Variants in HEPHL1 observed in about 807,000 individuals in gnomAD.
The protein encoded by HEPHL1 is hephaestin like 1, also known as ferroxidase HEPHL1.
A neutral mutation model predicts 122.0 loss-of-function variants in HEPHL1; 123 were observed. The ratio of observed to expected loss-of-function variants is 1.01; its 90% CI spans 0.87 to 1.17. The LOEUF is 1.17. Ranked by LOEUF, HEPHL1 falls within the 50% of genes most tolerant of loss-of-function variation. HEPHL1 has a pLI of 0.00. For missense variants in HEPHL1, 1,452 were observed against 1,430.5 expected, an observed-to-expected ratio of 1.01 and a Z score of -0.24; for synonymous variants, 527 against 508.9, an observed-to-expected ratio of 1.04 and a Z score of -0.48.
rs1046582518 is a variant in HEPHL1 at position 94,113,485 on chromosome 11, A to G, written c.*1591A>G. On this transcript the variant is annotated 3_prime_UTR_variant, in exon 20 of 20. Coordinates refer to ENST00000315765, the MANE Select transcript of HEPHL1 (RefSeq NM_001098672.2). ...TCTGTTCATAGTTTGCTTGAATGTCATATCAAACAGCATACACAAAAGATT... is the reference window on the plus strand; with the variant it reads ...TCTGTTCATAGTTTGCTTGAATGTCGTATCAAACAGCATACACAAAAGATT... 1 of 152,240 alleles carries G rather than the reference A, an allele frequency of 6.6e-6. No homozygotes were observed. The highest frequency in any genetic ancestry group is 2.4e-5 in the African/African-American group (1 of 41,466). The allele number at this position is 152,240 out of a possible 1,614,324, so 9.4% of individuals were successfully genotyped here. A position where few individuals can be genotyped will look rare whatever the true frequency, so the allele number is the denominator to read the frequency against.
At position 94,075,375 on chromosome 11, in the gene HEPHL1, A is replaced by C. The variant is rs771337615; in HGVS notation, c.1706A>C (p.Asp569Ala). 8 of 1,612,000 alleles carry C rather than the reference A, an allele frequency of 5.0e-6. No homozygotes were observed. The highest frequency in any genetic ancestry group is 6.8e-6 in the Non-Finnish European group (8 of 1,179,192). Reference protein sequence around the residue: ...LVCKKGVLNADGTQKGIDKEF... With the variant: ...LVCKKGVLNAAGTQKGIDKEF... ...TGTAAAAAGGGCGTCCTCAATGCTG[A>C]TGGGACACAGGTAGGCCATTGAGTG... Residue 569 changes from aspartate to alanine, a missense_variant, in exon 9 of 20, where the codon GAT (aspartate) becomes GCT (alanine). By Grantham distance (126) the Asp-to-Ala change is moderately radical. Coordinates refer to ENST00000315765, the MANE Select transcript of HEPHL1 (RefSeq NM_001098672.2).
intron 1 of HEPHL1, among the ~76,000 whole-genome samples, chr11:94,022,760 T>G (rs796193180): frequency 8.5e-5 from 13 of 152,290 alleles, no homozygotes; most frequent in African/African-American, 3.1e-4. Context: ...GTCTTTACTG[T>G]GATGAATAGC....
chr11:94,082,959 C>T (rs924000320), intron 10 of HEPHL1, among the ~76,000 whole-genome samples: 74 of 152,006 alleles, frequency 4.9e-4, no homozygotes, highest in African/African-American at 1.5e-3. Context: ...CATGGTGGTG[C>T]GTGCCTATAT....
At chr11:94,073,206 G>A in intron 7 of HEPHL1, 42 bp downstream of exon 7, 2 of 1,610,608 alleles carry the variant, frequency 1.2e-6, no homozygotes, top group East Asian at 2.2e-5. Flanking sequence ...CCAGGGAGAT[G>A]TTTTAGCTGG....
intron 1 of HEPHL1, among the ~76,000 whole-genome samples, chr11:94,030,114 G>C (rs1276874012): frequency 6.6e-6 from 1 of 152,170 alleles, no homozygotes; most frequent in Non-Finnish European, 1.5e-5. Context: ...GGAATGATAA[G>C]GTCCTATGAA....
rs771060319 is a variant in HEPHL1, at chr11:94,086,127, G to A, written c.2018G>A (p.Arg673Gln). Reference protein sequence around the residue: ...GNTIHLRGTHRDSLALFPHMA... With the variant: ...GNTIHLRGTHQDSLALFPHMA... ...ACCATCCACCTACGAGGGACTCACC[G>A]AGACTCCCTGGCCCTGTTTCCCCAC... The change falls in exon 11 of 20, where the codon CGA (arginine) becomes CAA (glutamine). Residue 673 changes from arginine to glutamine, a missense_variant. Arg to Gln is a conservative substitution (Grantham distance 43). Transcript: ENST00000315765. 1.6e-5 allele frequency: 26 copies of A among 1,613,122 alleles called. 1 individual carries two copies. The South Asian group carries it at 2.2e-4, about 14-fold the overall frequency.
At chr11:94,044,560 T>C (rs545991576) in intron 1 of HEPHL1, among the ~76,000 whole-genome samples, 1 of 152,210 alleles carries the variant, frequency 6.6e-6, no homozygotes, top group African/African-American at 2.4e-5. Context: ...TGCATCCTTA[T>C]CTCTCACTCC....
intron 2 of HEPHL1, among the ~76,000 whole-genome samples, chr11:94,051,630 G>C (rs2134419367): frequency 6.6e-6 from 1 of 152,244 alleles, no homozygotes; most frequent in East Asian, 1.9e-4. Context: ...CTGTGTAGAA[G>C]TGTTTTAACT....
chr11:94,056,291 T>C (rs1382992953), intron 2 of HEPHL1, among the ~76,000 whole-genome samples: 1 of 152,120 alleles, frequency 6.6e-6, no homozygotes, highest in Non-Finnish European at 1.5e-5. Context: ...TTGCTTTTTT[T>C]CCCCCAGTTT....
rs954711470 is a variant in HEPHL1, at chr11:94,114,061, C to T, written c.*2167C>T. Among the ~76,000 whole-genome samples the T allele has an allele frequency of 6.6e-6, 1 of 152,210 alleles. No homozygotes were observed. Among genetic ancestry groups the T allele is most frequent in the Admixed American group, 6.5e-5 (1 of 15,274 alleles). On this transcript the variant is annotated 3_prime_UTR_variant, in exon 20 of 20. Transcript: ENST00000315765. The stretch of plus-strand genomic sequence containing the variant: ...CTAGCAGGACAGTCTCTTCATTTGA[C>T]TTTGGGTCTCATTGCTTCTTGCTTT...
At chr11:94,091,358 C>A (rs891885495) in intron 12 of HEPHL1, among the ~76,000 whole-genome samples, 6 of 152,140 alleles carry the variant, frequency 3.9e-5, no homozygotes, top group Non-Finnish European at 8.8e-5. Flanking sequence ...TTATTATCAG[C>A]CTGGTTTGCA....
At chr11:94,078,767 C>T (rs1373899662) in intron 9 of HEPHL1, among the ~76,000 whole-genome samples, 1 of 152,062 alleles carries the variant, frequency 6.6e-6, no homozygotes, top group Non-Finnish European at 1.5e-5. Context: ...CTATTCAGGC[C>T]TTCAACCAAT....
At chr11:94,086,658 A>G (rs1672615145) in intron 11 of HEPHL1, among the ~76,000 whole-genome samples, 1 of 151,916 alleles carries the variant, frequency 6.6e-6, no homozygotes, top group South Asian at 2.1e-4. Flanking sequence ...TGATTGGGGG[A>G]ATTCTCTGTT....
chr11:94,042,883 A>AAAAAACAAAAAAC (rs11271749), intron 1 of HEPHL1, among the ~76,000 whole-genome samples: 3 of 132,398 alleles, frequency 2.3e-5, no homozygotes, highest in South Asian at 4.9e-4. Context: ...AATAAAAAAA[A>AAAAAACAAAAAAC]AAAAAAAAAA....
rs1219782949 is a variant in HEPHL1, at chr11:94,073,181, C to G, written c.1372+17C>G. The G allele has an allele frequency of 2.5e-6, 4 of 1,612,520 alleles. No individual in the cohort carries two copies. The highest frequency in any genetic ancestry group is 3.4e-6 in the Non-Finnish European group (4 of 1,179,202). On this transcript the variant is annotated intron_variant, in intron 7 of 19. Transcript: ENST00000315765. ...GAATTCTTGGTACAGTAAAACCATC[C>G]CCCATGCATTGAACCCAGGGAGATG... is the stretch of plus-strand genomic sequence containing the variant.
At chr11:94,092,284 T>C (rs1946268132) in intron 12 of HEPHL1, among the ~76,000 whole-genome samples, 1 of 152,238 alleles carries the variant, frequency 6.6e-6, no homozygotes, top group African/African-American at 2.4e-5. Flanking sequence ...ACATGTAAGG[T>C]ACGTATACAG....
intron 10 of HEPHL1, among the ~76,000 whole-genome samples, chr11:94,083,504 A>T (rs1480886471): frequency 1.3e-5 from 2 of 152,216 alleles, no homozygotes; most frequent in Non-Finnish European, 2.9e-5. Context: ...GTGTGCAGTC[A>T]ATAAAAGTGC....
chr11:94,093,421 A>C (rs1946278145), intron 12 of HEPHL1, 80 bp from the exon 13 acceptor site: 4 of 1,525,262 alleles, frequency 2.6e-6, no homozygotes, highest in Non-Finnish European at 3.6e-6. Flanking sequence ...ACTTCTCCAG[A>C]ATACCCCTGA....
rs1946230378 is a variant in HEPHL1, at chr11:94,087,798, T to G, written c.2081-957T>G. Among the ~76,000 whole-genome samples the G allele has an allele frequency of 2.6e-5, 4 of 152,284 alleles. No homozygotes were observed. In the South Asian group the frequency reaches 8.3e-4, roughly 32 times the overall value. ...GTCCTCATCAGTGCCTGGGTGTGCTTGGTACCCATTGAATCAACCCATTGA... is the reference window on the plus strand; with the variant it reads ...GTCCTCATCAGTGCCTGGGTGTGCTGGGTACCCATTGAATCAACCCATTGA... On this transcript the variant is annotated intron_variant, in intron 11 of 19. Transcript: ENST00000315765.
Sources: allele counts gnomAD v4.1 joint callset (sites outside exome capture counted in the v4.1 genomes callset), GRCh38; gene constraint gnomAD v4.1.1; transcripts MANE v1.5; gene names NCBI Gene and HGNC (gene_info 2026-07-23, HGNC 2026-07-21).